SEC14L6: variants seen among roughly 807,000 people sequenced by gnomAD.
The protein encoded by SEC14L6 is SEC14 like lipid binding 6, also known as SEC14-like protein 6.
In SEC14L6, 40 loss-of-function variants were observed where a neutral mutation model predicts 54.1. The ratio of observed to expected loss-of-function variants is 0.74; its 90% CI spans 0.57 to 0.96. SEC14L6 has a LOEUF of 0.96. Ranked by LOEUF, SEC14L6 falls within the 40% of genes least tolerant of loss-of-function variation. The probability of loss-of-function intolerance (pLI) is 0.00; values close to 1 mark genes in which losing one functional copy is unlikely to be tolerated. For missense variants in SEC14L6, 471 were observed against 498.3 expected (o/e 0.95, Z 0.52); for synonymous variants, 171 against 198.4 (o/e 0.86, Z 1.16).
chr22:30,525,343 C>G lies in SEC14L6; in HGVS notation c.1081+7G>C, dbSNP rs1350138446. 8 of 1,613,752 alleles carry G rather than the reference C, an allele frequency of 5.0e-6. No individual in the cohort carries two copies. The South Asian group carries it at 8.8e-5, about 18-fold the overall frequency. On this transcript the variant is annotated splice_region_variant and intron_variant, in intron 11 of 11. Transcript: ENST00000402034. ...CTCCAGGTAGAGCCATCCCTGCCAA[C>G]TCTTACAGCTGCCGGCCTGGAGGCA...
Position 30,532,545 on chromosome 22 carries a change from A to G in SEC14L6, c.403T>C (p.Cys135Arg), listed in dbSNP as rs772150274. 77 of 1,549,872 alleles carry G rather than the reference A, an allele frequency of 5.0e-5. No individual in the cohort carries two copies. Among genetic ancestry groups the G allele is most frequent in the Non-Finnish European group, 6.5e-5 (75 of 1,146,778 alleles). Residue 135 changes from cysteine to arginine, a missense_variant, in exon 5 of 12, where the codon TGT (cysteine) becomes CGT (arginine). Coordinates refer to ENST00000402034, the MANE Select transcript of SEC14L6 (RefSeq NM_001193336.4). ...CACACCTTCTGACTCTGCAGCTCACACTCCCGCAGGAGCAGCTCGCAGCTC... is the reference window on the plus strand; with the variant it reads ...CACACCTTCTGACTCTGCAGCTCACGCTCCCGCAGGAGCAGCTCGCAGCTC... ...FRSCELLLRE[C>R]ELQSQKLGKR...
intron 1 of SEC14L6, among the ~76,000 whole-genome samples, chr22:30,541,113 C>T (rs993899356): frequency 2.6e-5 from 4 of 151,950 alleles, no homozygotes; most frequent in Non-Finnish European, 5.9e-5. Context: ...ACTTGAACAA[C>T]TTGTAAGACT....
chr22:30,532,050 C>A, intron 5 of SEC14L6, 52 bp from the exon 6 acceptor site: 1 of 1,534,752 alleles, frequency 6.5e-7, no homozygotes, highest in East Asian at 2.4e-5. Context: ...TGCCCCCACC[C>A]ATCCAAGATG....
At chr22:30,529,255 C>A in intron 7 of SEC14L6, 34 bp downstream of exon 7, 1 of 1,548,016 alleles carries the variant, frequency 6.5e-7, no homozygotes, top group Non-Finnish European at 8.7e-7. Context: ...CCCTGTCCCC[C>A]CAACTCATGC....
Position 30,525,091 on chromosome 22 carries a change from T to A in SEC14L6, c.1100A>T (p.Asn367Ile), listed in dbSNP as rs1420372045. ...QAGSYVLRFYNTYSLVHSKRI... is the reference protein window; with the variant it reads ...QAGSYVLRFYITYSLVHSKRI... ...TTTAGAATGAACCAGGCTGTAGGTG[T>A]TGTAAAACCTCAGGACATCTGCAGT... Residue 367 changes from asparagine (N) to isoleucine (I), a missense_variant, in exon 12 of 12, where the codon AAC becomes ATC. By Grantham distance (149) the Asn-to-Ile change is moderately radical. Transcript: ENST00000402034. 1.9e-6 allele frequency: 3 copies of A among 1,547,336 alleles called. No individual in the cohort carries two copies. In the African/African-American group the frequency reaches 4.1e-5, roughly 21 times the overall value.
At chr22:30,545,426 G>T (rs1043914687) in intron 1 of SEC14L6, among the ~76,000 whole-genome samples, 15 of 151,206 alleles carry the variant, frequency 9.9e-5, no homozygotes, top group African/African-American at 3.4e-4. Context: ...ACAGGGTCTA[G>T]CTCTGTTGCC....
chr22:30,531,711 C>T (rs141051354), intron 6 of SEC14L6, among the ~76,000 whole-genome samples, 192 bp downstream of exon 6: 4 of 152,212 alleles, frequency 2.6e-5, no homozygotes, highest in East Asian at 3.9e-4. Flanking sequence ...GCAACAAGAG[C>T]GAAACTCCAT....
rs1334875065 is a variant in SEC14L6 at position 30,523,091 on chromosome 22, G to A, written c.*1906C>T. The A allele has an allele frequency of 6.6e-6, 1 of 152,160 alleles. No homozygotes were observed. Among genetic ancestry groups the A allele is most frequent in the East Asian group, 1.9e-4 (1 of 5,188 alleles). 9.4% of individuals were successfully genotyped at this position (152,160 alleles called of 1,614,324 possible). A position where few individuals can be genotyped will look rare whatever the true frequency, so the allele number is the denominator to read the frequency against. On this transcript the variant is annotated 3_prime_UTR_variant, in exon 12 of 12. Coordinates refer to ENST00000402034, the MANE Select transcript of SEC14L6 (RefSeq NM_001193336.4). ...GAACAGATCAGTGGCTGTCAGGGGA[G>A]GGGCTGAGGGAGAGCAAGGGCTGCT... is the stretch of plus-strand genomic sequence containing the variant.
chr22:30,532,429 G>A (rs1937009928), intron 5 of SEC14L6, 96 bp downstream of exon 5: 2 of 1,358,182 alleles, frequency 1.5e-6, no homozygotes, highest in Non-Finnish European at 9.9e-7. Context: ...AGGAGCCGAG[G>A]AGCCCAGGAG....
intron 1 of SEC14L6, chr22:30,544,043 C>A: frequency 6.5e-7 from 1 of 1,548,720 alleles, no homozygotes. Context: ...CCCGAGCTGT[C>A]CTTCTCAGAG....
chr22:30,542,751 G>A (rs2085746653), intron 1 of SEC14L6: 3 of 1,585,116 alleles, frequency 1.9e-6, no homozygotes, highest in Non-Finnish European at 2.6e-6. Context: ...TGACCTCCCT[G>A]AACCCTGTGG....
intron 1 of SEC14L6, among the ~76,000 whole-genome samples, chr22:30,545,902 C>T (rs2085793768): frequency 6.6e-6 from 1 of 151,916 alleles, no homozygotes; most frequent in South Asian, 2.1e-4. Context: ...AGAATCTTGG[C>T]CCACTGCAAC....
chr22:30,532,961 G>A, intron 3 of SEC14L6, 105 bp from the exon 4 acceptor site: 1 of 1,525,308 alleles, frequency 6.6e-7, no homozygotes, highest in East Asian at 2.4e-5. Context: ...ACCACTAAGG[G>A]CCTGCCAGAG....
chr22:30,527,648 G>A (rs571202116), intron 8 of SEC14L6, among the ~76,000 whole-genome samples: 6 of 149,266 alleles, frequency 4.0e-5, no homozygotes, highest in Non-Finnish European at 7.4e-5. Flanking sequence ...CCTGGAGGTC[G>A]AGGCTGCAGT....
At chr22:30,528,283 G>A (rs1226563854) in intron 8 of SEC14L6, among the ~76,000 whole-genome samples, 2 of 151,332 alleles carry the variant, frequency 1.3e-5, no homozygotes, top group African/African-American at 4.9e-5. Flanking sequence ...CACCACGCCC[G>A]GCTAATTTTT....
chr22:30,536,834 C>T (rs2079311), intron 2 of SEC14L6, among the ~76,000 whole-genome samples: 104,824 of 151,452 alleles, frequency 0.69, 36,531 homozygotes, highest in Middle Eastern at 0.73. Flanking sequence ...AGACCAGCCT[C>T]GCTAACATGG....
chr22:30,537,546 G>A (rs1239698660), intron 2 of SEC14L6, among the ~76,000 whole-genome samples: 1 of 152,210 alleles, frequency 6.6e-6, no homozygotes, highest in Non-Finnish European at 1.5e-5. Flanking sequence ...TTGAGCCCAG[G>A]AGGTCAAGGC....
At chr22:30,525,256 C>A in intron 11 of SEC14L6, 94 bp downstream of exon 11, 1 of 1,470,712 alleles carries the variant, frequency 6.8e-7, no homozygotes, top group Non-Finnish European at 9.2e-7. Context: ...CCCACCAGAA[C>A]CAAGGGCCCT....
Position 30,538,870 on chromosome 22 carries a change from C to A in SEC14L6, c.87G>T (p.Ala29=). The change falls in exon 2 of 12, where the codon GCG becomes GCT. Residue 29 remains alanine (A), a synonymous_variant. Coordinates refer to ENST00000402034, the MANE Select transcript of SEC14L6 (RefSeq NM_001193336.4). ...GGAAGTAGTCATCAGGATTGGGCAG[C>A]GCAGATAGCACATCTTGGATGTTCT... The part of the protein sequence containing the change: ...FRENIQDVLS[A]LPNPDDYFLL... 1.9e-6 allele frequency: 3 copies of A among 1,556,816 alleles called. No homozygotes were observed. Among genetic ancestry groups the A allele is most frequent in the East Asian group, 2.4e-5 (1 of 41,582 alleles).
Sources: gnomAD v4.1 joint callset for allele counts (sites outside exome capture counted in the v4.1 genomes callset) on GRCh38, gnomAD v4.1.1 for gene constraint, MANE v1.5 for transcripts, NCBI Gene and HGNC (gene_info 2026-07-23, HGNC 2026-07-21) for gene names.